The following GALNT13 variants were observed in gnomAD, a reference collection of about 807,000 sequenced individuals.
GALNT13 encodes the protein UDP-GalNAc:polypeptide N-acetylgalactosaminyltransferase 13.
A neutral mutation model predicts 64.2 loss-of-function variants in GALNT13; 28 were observed. That is an observed-to-expected ratio of 0.44 (90% CI 0.32 to 0.60). GALNT13 has a LOEUF of 0.60. GALNT13 is among the 20% of genes least tolerant of loss of function. The pLI is 0.05. For synonymous variants in GALNT13, 214 were observed against 224.6 expected (o/e 0.95, Z 0.42); for missense variants, 577 against 669.8 (o/e 0.86, Z 1.53).
At chr2:154,011,850 A>G (rs779663216) in intron 3 of GALNT13, among the ~76,000 whole-genome samples, 4 of 152,080 alleles carry the variant, frequency 2.6e-5, no homozygotes, top group African/African-American at 9.7e-5. Flanking sequence ...TTCTTGGTCT[A>G]ATGTTTGTTT....
intron 3 of GALNT13, among the ~76,000 whole-genome samples, chr2:154,111,241 C>T (rs1046816579): frequency 3.9e-5 from 6 of 152,280 alleles, no homozygotes; most frequent in African/African-American, 1.4e-4. Context: ...CCCAAACTTT[C>T]ATTCTTGAAG....
the GALNT13 span, among the ~76,000 whole-genome samples, chr2:153,793,188 G>A: frequency 6.6e-6 from 1 of 151,748 alleles, no homozygotes. Flanking sequence ...TGGCCAGGAT[G>A]GTCTTGATTT....
At chr2:153,581,151 T>G in the GALNT13 span, among the ~76,000 whole-genome samples, 1 of 152,100 alleles carries the variant, frequency 6.6e-6, no homozygotes, top group Non-Finnish European at 1.5e-5. Context: ...TGTGGGACAT[T>G]GAGTTGCCCT....
the GALNT13 span, among the ~76,000 whole-genome samples, chr2:153,447,665 G>T: frequency 6.6e-6 from 1 of 152,184 alleles, no homozygotes; most frequent in East Asian, 1.9e-4. Context: ...TTCTAGCTCT[G>T]TTTCATAGCT....
the GALNT13 span, among the ~76,000 whole-genome samples, chr2:153,813,178 C>T: frequency 6.6e-6 from 1 of 152,060 alleles, no homozygotes; most frequent in African/African-American, 2.4e-5. Context: ...TCTAAGTATA[C>T]ACTTTTCTGT....
intron 3 of GALNT13, among the ~76,000 whole-genome samples, chr2:154,011,877 A>G (rs1459124426): frequency 6.6e-6 from 1 of 152,136 alleles, no homozygotes; most frequent in Non-Finnish European, 1.5e-5. Context: ...AAATTAGAAT[A>G]GCAACTTCTG....
the GALNT13 span, among the ~76,000 whole-genome samples, chr2:153,522,664 C>T: frequency 6.6e-5 from 10 of 152,162 alleles, no homozygotes; most frequent in Non-Finnish European, 1.3e-4. Flanking sequence ...CATCTTCTTT[C>T]GTGTGGTGCC....
At chr2:154,169,499 A>C (rs1437882700) in intron 4 of GALNT13, among the ~76,000 whole-genome samples, 1 of 152,150 alleles carries the variant, frequency 6.6e-6, no homozygotes, top group African/African-American at 2.4e-5. Flanking sequence ...GTCTGAATGG[A>C]ATCTTCTTCC....
At chr2:153,195,863 G>T in the GALNT13 span, among the ~76,000 whole-genome samples, 1 of 152,134 alleles carries the variant, frequency 6.6e-6, no homozygotes, top group Non-Finnish European at 1.5e-5. Flanking sequence ...GAGGAGACCC[G>T]CAGGGGCAGC....
chr2:154,030,759 C>A (rs552059140), intron 3 of GALNT13, among the ~76,000 whole-genome samples: 1 of 152,180 alleles, frequency 6.6e-6, no homozygotes, highest in South Asian at 2.1e-4. Context: ...CCTTCACTTG[C>A]CCTCTCTCCT....
At chr2:153,999,666 C>T (rs1333918229) in intron 3 of GALNT13, among the ~76,000 whole-genome samples, 2 of 151,878 alleles carry the variant, frequency 1.3e-5, no homozygotes, top group East Asian at 1.9e-4. Flanking sequence ...GGGATGAATC[C>T]CACTTAATCG....
intron 11 of GALNT13, among the ~76,000 whole-genome samples, chr2:154,411,956 A>T (rs970675884): frequency 3.3e-5 from 5 of 151,776 alleles, no homozygotes; most frequent in African/African-American, 1.2e-4. Context: ...AAAATTCATT[A>T]AAAAAATTAA....
At chr2:154,224,357 G>A (rs1477259336) in intron 4 of GALNT13, among the ~76,000 whole-genome samples, 1 of 151,982 alleles carries the variant, frequency 6.6e-6, no homozygotes, top group Non-Finnish European at 1.5e-5. Flanking sequence ...TCAAACTCTA[G>A]TTAATAAAGC....
the GALNT13 span, among the ~76,000 whole-genome samples, chr2:153,824,979 C>A: frequency 6.6e-6 from 1 of 152,264 alleles, no homozygotes; most frequent in African/African-American, 2.4e-5. Context: ...TCAGGTAGTT[C>A]TTTATAAATT....
chr2:153,279,839 T>C, the GALNT13 span, among the ~76,000 whole-genome samples: 1 of 152,102 alleles, frequency 6.6e-6, no homozygotes, highest in Non-Finnish European at 1.5e-5. Context: ...TTTTTCATTG[T>C]GTCTTTGTCA....
At chr2:154,265,378 A>T (rs1382964208) in intron 8 of GALNT13, among the ~76,000 whole-genome samples, 1 of 152,086 alleles carries the variant, frequency 6.6e-6, no homozygotes, top group Non-Finnish European at 1.5e-5. Flanking sequence ...TAACTGGTGA[A>T]CTCTACCAAA....
chr2:153,169,842 T>A, the GALNT13 span, among the ~76,000 whole-genome samples: 1 of 152,214 alleles, frequency 6.6e-6, no homozygotes, highest in Admixed American at 6.5e-5. Flanking sequence ...CCCAGCTGTT[T>A]GCTGACATGT....
chr2:154,073,713 G>C (rs1245432682), intron 3 of GALNT13, among the ~76,000 whole-genome samples: 4 of 151,724 alleles, frequency 2.6e-5, no homozygotes, highest in Non-Finnish European at 5.9e-5. Flanking sequence ...CATTGTCAGG[G>C]CTTTTATTTT....
chr2:153,216,743 C>T, the GALNT13 span, among the ~76,000 whole-genome samples: 1 of 151,960 alleles, frequency 6.6e-6, no homozygotes, highest in Non-Finnish European at 1.5e-5. Flanking sequence ...TTCCAAGTCT[C>T]TGGCTTATTT....
Sources: allele counts gnomAD v4.1 joint callset (sites outside exome capture counted in the v4.1 genomes callset), GRCh38; gene constraint gnomAD v4.1.1; transcripts MANE v1.5; gene names NCBI Gene and HGNC (gene_info 2026-07-23, HGNC 2026-07-21).